Variants in ARHGAP22 observed in about 807,000 individuals in gnomAD.
ARHGAP22 encodes Rho GTPase activating protein 22, also known as rho GTPase-activating protein 22.
In ARHGAP22, 48 loss-of-function variants were observed where a neutral mutation model predicts 59.1. The ratio of observed to expected loss-of-function variants is 0.81; its 90% confidence interval spans 0.64 to 1.03. The LOEUF (loss-of-function observed/expected upper bound fraction) is 1.03. Ranked by LOEUF, ARHGAP22 falls within the 50% of genes least tolerant of loss-of-function variation. The pLI is 0.00. For synonymous variants in ARHGAP22, 445 were observed against 416.4 expected (o/e 1.07, Z -0.84); for missense variants, 1,015 against 958.7 (o/e 1.06, Z -0.78).
chr10:48,559,063 C>G (rs1413273698), intron 2 of ARHGAP22, among the ~76,000 whole-genome samples: 2 of 152,248 alleles, frequency 1.3e-5, no homozygotes, highest in African/African-American at 4.8e-5. Context: ...TCTGGCACCT[C>G]AGACAGTGCC....
chr10:48,611,349 C>G (rs1170164187), intron 1 of ARHGAP22, among the ~76,000 whole-genome samples: 1 of 152,124 alleles, frequency 6.6e-6, no homozygotes, highest in Non-Finnish European at 1.5e-5. Context: ...TGCTATATGG[C>G]AGTCCTGTTT....
At chr10:48,551,155 G>T (rs2056864154) in intron 3 of ARHGAP22, among the ~76,000 whole-genome samples, 1 of 152,184 alleles carries the variant, frequency 6.6e-6, no homozygotes, top group Non-Finnish European at 1.5e-5. Context: ...CTCCCTGGTG[G>T]ACGGTGTTGT....
intron 3 of ARHGAP22, among the ~76,000 whole-genome samples, chr10:48,529,637 C>T (rs1255362176): frequency 1.3e-5 from 2 of 152,128 alleles, no homozygotes; most frequent in African/African-American, 2.4e-5. Flanking sequence ...AGTGGATTCT[C>T]CAAGTGATAC....
intron 1 of ARHGAP22, among the ~76,000 whole-genome samples, chr10:48,634,638 C>G (rs2061742472): frequency 6.6e-6 from 1 of 152,108 alleles, no homozygotes; most frequent in Non-Finnish European, 1.5e-5. Flanking sequence ...TCTGCCCAGC[C>G]TGTTCTTTGG....
At chr10:48,650,617 G>A (rs1309911992) in intron 1 of ARHGAP22, among the ~76,000 whole-genome samples, 1 of 152,150 alleles carries the variant, frequency 6.6e-6, no homozygotes, top group Non-Finnish European at 1.5e-5. Context: ...TTAAGTTCAG[G>A]TATGTCATGC....
downstream of ARHGAP22, among the ~76,000 whole-genome samples, chr10:48,441,245 T>C (rs569357152): frequency 3.2e-4 from 48 of 152,218 alleles, 1 homozygote; most frequent in African/African-American, 1.2e-3. Context: ...CAGAGGAAGA[T>C]AGTGGAAAGA....
intron 1 of ARHGAP22, among the ~76,000 whole-genome samples, chr10:48,600,923 T>C (rs958755120): frequency 1.3e-5 from 2 of 152,210 alleles, no homozygotes; most frequent in African/African-American, 4.8e-5. Flanking sequence ...CTGAGGCCTC[T>C]AGTCCCTGGC....
rs866503395 is a variant in ARHGAP22, at chr10:48,450,817, G to A, written c.1312C>T (p.Leu438=). Residue 438 remains leucine (L), a synonymous_variant, in exon 9 of 10, where the codon CTA becomes TTA. Transcript: ENST00000249601. ...WKSSFRQPRS[L]SGSPKGGGSS... Reference sequence around the variant, plus strand: ...CCGCCCCCCTTCGGGCTTCCCGATAGGGACCTCGGCTGCCGGAAGGAGGAC... The same window carrying A: ...CCGCCCCCCTTCGGGCTTCCCGATAAGGACCTCGGCTGCCGGAAGGAGGAC... 6.3e-7 allele frequency: 1 copy of A among 1,585,124 alleles called. No individual in the cohort carries two copies. The highest frequency in any genetic ancestry group is 8.6e-7 in the Non-Finnish European group (1 of 1,166,394).
intron 3 of ARHGAP22, among the ~76,000 whole-genome samples, chr10:48,533,729 T>C (rs1482550148): frequency 1.3e-5 from 2 of 152,222 alleles, no homozygotes; most frequent in East Asian, 1.9e-4. Context: ...TGTGGTTGTG[T>C]TCCAATAAAA....
chr10:48,489,679 A>G lies in ARHGAP22; in HGVS notation c.323-9915T>C, dbSNP rs2050176030. Among the ~76,000 whole-genome samples, 4 of 150,790 alleles carry G rather than the reference A, an allele frequency of 2.7e-5. No individual in the cohort carries two copies. The South Asian group carries it at 8.4e-4, about 32-fold the overall frequency. ...CTCTTTTTTAATTGTCTGTGTGGCC[A>G]CTGTGTTTCCACCCCATCCCATTAC... On this transcript the variant is annotated intron_variant, in intron 3 of 9. Coordinates refer to ENST00000249601, the MANE Select transcript of ARHGAP22 (RefSeq NM_021226.4).
chr10:48,513,209 T>C (rs1353427138), intron 3 of ARHGAP22, among the ~76,000 whole-genome samples: 1 of 152,232 alleles, frequency 6.6e-6, no homozygotes, highest in African/African-American at 2.4e-5. Flanking sequence ...AAAGCTGTGA[T>C]ACCAATTGGG....
intron 3 of ARHGAP22, among the ~76,000 whole-genome samples, chr10:48,502,800 CTG>C (rs1410060858): frequency 1.3e-5 from 2 of 152,392 alleles, no homozygotes; most frequent in East Asian, 1.9e-4. Flanking sequence ...GTGCCAGACA[CTG>C]TGCCACATAC....
chr10:48,577,817 T>TGG (rs1487686746), intron 2 of ARHGAP22, among the ~76,000 whole-genome samples: 8 of 128,038 alleles, frequency 6.2e-5, no homozygotes, highest in African/African-American at 8.7e-5. Context: ...TTTTTTTTTT[T>TGG]TTTTTTTTTT....
At chr10:48,652,755 A>T (rs75130028), upstream of ARHGAP22, 2,379 of 157,414 alleles carry the variant, frequency 0.015, 51 homozygotes, top group African/African-American at 0.048. Context: ...AACACTGCAA[A>T]TTTGCAGTGA....
intron 5 of ARHGAP22, among the ~76,000 whole-genome samples, chr10:48,458,671 A>C (rs1384433967): frequency 6.6e-6 from 1 of 152,154 alleles, no homozygotes; most frequent in East Asian, 1.9e-4. Context: ...ATTTGAAGCA[A>C]TCTGCAACCC....
intron 3 of ARHGAP22, among the ~76,000 whole-genome samples, chr10:48,550,570 G>A (rs2056822207): frequency 1.3e-5 from 2 of 152,230 alleles, no homozygotes. Context: ...TGGCCTCCTA[G>A]CATGGAAACA....
intron 2 of ARHGAP22, among the ~76,000 whole-genome samples, chr10:48,579,000 T>C (rs7075804): frequency 0.79 from 119,518 of 151,914 alleles, 47,203 homozygotes; most frequent in East Asian, 0.99. Context: ...AAGGGATAGA[T>C]GAATCTAACC....
intron 3 of ARHGAP22, among the ~76,000 whole-genome samples, chr10:48,541,028 C>A (rs1053737210): frequency 6.6e-6 from 1 of 152,040 alleles, no homozygotes; most frequent in African/African-American, 2.4e-5. Flanking sequence ...ACTGCAAGAA[C>A]ACAGATTCTG....
At chr10:48,539,519 C>CT (rs1372762074) in intron 3 of ARHGAP22, among the ~76,000 whole-genome samples, 5 of 151,708 alleles carry the variant, frequency 3.3e-5, no homozygotes. Flanking sequence ...TCTCGATCTC[C>CT]TGACCTCGTG....
Sources: gnomAD v4.1 joint callset for allele counts (sites outside exome capture counted in the v4.1 genomes callset) on GRCh38, gnomAD v4.1.1 for gene constraint, MANE v1.5 for transcripts, NCBI Gene and HGNC (gene_info 2026-07-23, HGNC 2026-07-21) for gene names.